Variants in MAP2K5 observed in about 807,000 individuals in gnomAD.
The protein encoded by MAP2K5 is mitogen-activated protein kinase kinase 5.
Under a neutral mutation model 83.1 loss-of-function variants are expected in MAP2K5, and 49 were observed. The observed-to-expected ratio is 0.59, with a 90% CI of 0.47 to 0.75. The LOEUF is 0.75. Among genes scored for constraint, MAP2K5 ranks in the 30% least tolerant of loss-of-function variants. MAP2K5 has a pLI of 0.00. For synonymous variants in MAP2K5, 202 were observed against 191.8 expected (o/e 1.05, Z -0.44); for missense variants, 457 against 557.5 (o/e 0.82, Z 1.82).
intron 16 of MAP2K5, among the ~76,000 whole-genome samples, chr15:67,709,573 G>T (rs2088640342): frequency 6.6e-6 from 1 of 152,084 alleles, no homozygotes; most frequent in Non-Finnish European, 1.5e-5. Flanking sequence ...TTTATTAGGG[G>T]TGGCTAAAAC....
At chr15:67,560,440 A>G (rs1005410380) in intron 2 of MAP2K5, among the ~76,000 whole-genome samples, 1 of 152,258 alleles carries the variant, frequency 6.6e-6, no homozygotes, top group Non-Finnish European at 1.5e-5. Flanking sequence ...ACCAATACCT[A>G]TATAAAGCTA....
chr15:67,604,456 A>G (rs1402872844), intron 8 of MAP2K5, among the ~76,000 whole-genome samples: 1 of 152,230 alleles, frequency 6.6e-6, no homozygotes, highest in Non-Finnish European at 1.5e-5. Context: ...AAACTTTGAG[A>G]AAGTAGAGAA....
chr15:67,581,405 C>T (rs939552648), intron 4 of MAP2K5, among the ~76,000 whole-genome samples: 2 of 152,130 alleles, frequency 1.3e-5, no homozygotes, highest in Non-Finnish European at 2.9e-5. Context: ...TTAGGTTTGG[C>T]AGTACTATCC....
chr15:67,684,181 G>A (rs556774509), intron 13 of MAP2K5, among the ~76,000 whole-genome samples: 4 of 152,316 alleles, frequency 2.6e-5, no homozygotes, highest in African/African-American at 9.6e-5. Context: ...ATCCTACAAA[G>A]CTAGACAACC....
chr15:67,728,083 T>C, intron 17 of MAP2K5, 138 bp downstream of exon 17: 1 of 764,918 alleles, frequency 1.3e-6, no homozygotes, highest in Non-Finnish European at 2.3e-6. Context: ...CTTAAAGGGT[T>C]CATTTAGAAA....
chr15:67,637,336 A>G lies in MAP2K5; in HGVS notation c.585+6409A>G, dbSNP rs1001541249. Among the ~76,000 whole-genome samples the G allele has an allele frequency of 6.6e-6, 1 of 152,058 alleles. No homozygotes were observed. The highest frequency in any genetic ancestry group is 1.5e-5 in the Non-Finnish European group (1 of 68,004). ...CAGAGATGGTATTTAGTTACTTTTG[A>G]ATAATTTGATTCTTTCAAGGCTTGC... is the stretch of plus-strand genomic sequence containing the variant. On this transcript the variant is annotated intron_variant, in intron 9 of 21. Transcript: ENST00000178640. The surrounding 1 kb of genome is among the most constrained non-coding windows in gnomAD (Gnocchi z 4.5).
At chr15:67,633,146 G>T (rs376352666) in intron 9 of MAP2K5, among the ~76,000 whole-genome samples, 1 of 152,190 alleles carries the variant, frequency 6.6e-6, no homozygotes, top group African/African-American at 2.4e-5. Flanking sequence ...TTCTCACTGA[G>T]TGTGGCTCTG....
chr15:67,651,584 T>A (rs1596724944), intron 11 of MAP2K5, among the ~76,000 whole-genome samples: 1 of 152,206 alleles, frequency 6.6e-6, no homozygotes, highest in South Asian at 2.1e-4. Context: ...TCCATAATCA[T>A]TTGTTTTTGG....
chr15:67,618,635 T>C (rs760268316), intron 8 of MAP2K5, among the ~76,000 whole-genome samples: 1 of 152,180 alleles, frequency 6.6e-6, no homozygotes, highest in Non-Finnish European at 1.5e-5. Context: ...ATCTCCGTAA[T>C]TGGAAACTCT....
At chr15:67,710,184 A>G (rs893125866) in intron 16 of MAP2K5, among the ~76,000 whole-genome samples, 1 of 152,200 alleles carries the variant, frequency 6.6e-6, no homozygotes, top group African/African-American at 2.4e-5. Flanking sequence ...TAGCATATGC[A>G]TAGCATACGC....
At chr15:67,624,488 G>A (rs2086265306) in intron 8 of MAP2K5, among the ~76,000 whole-genome samples, 1 of 151,998 alleles carries the variant, frequency 6.6e-6, no homozygotes, top group Non-Finnish European at 1.5e-5. Flanking sequence ...GGATATAATG[G>A]TCTTTGGCCT....
In MAP2K5 at chr15:67,563,220, A is replaced by G. The variant is rs1038178212; in HGVS notation, c.185-63A>G. Reference sequence around the variant, plus strand: ...CACATTGTAATAAACCGTTTATATTATGTTCCCTTTGTGCATTAAACAAAT... The same window carrying G: ...CACATTGTAATAAACCGTTTATATTGTGTTCCCTTTGTGCATTAAACAAAT... On this transcript the variant is annotated intron_variant, in intron 2 of 21. Coordinates refer to ENST00000178640, the MANE Select transcript of MAP2K5 (RefSeq NM_145160.3). The surrounding 1 kb of genome is among the most constrained non-coding windows in gnomAD (Gnocchi z 4.5). The G allele has an allele frequency of 2.5e-6, 4 of 1,570,394 alleles. No individual in the cohort carries two copies. Among genetic ancestry groups the G allele is most frequent in the Non-Finnish European group, 3.4e-6 (4 of 1,161,464 alleles).
At chr15:67,697,217 T>C in intron 15 of MAP2K5, among the ~76,000 whole-genome samples, 1 of 152,326 alleles carries the variant, frequency 6.6e-6, no homozygotes, top group Non-Finnish European at 1.5e-5. Context: ...TCACTTTATA[T>C]TCATGCATAC....
chr15:67,664,495 C>A (rs867373939), intron 12 of MAP2K5, 102 bp from the exon 13 acceptor site: 10 of 690,268 alleles, frequency 1.4e-5, no homozygotes, highest in African/African-American at 1.3e-4. Context: ...AGGGTGACAC[C>A]CTGTCTCAAA....
rs994834595 is a variant in MAP2K5 at position 67,764,103 on chromosome 15, A to G, written c.1135-5499A>G. On this transcript the variant is annotated intron_variant, in intron 19 of 21. Coordinates refer to ENST00000178640, the MANE Select transcript of MAP2K5 (RefSeq NM_145160.3). The surrounding 1 kb of genome is among the most constrained non-coding windows in gnomAD (Gnocchi z 4.9). Reference sequence around the variant, plus strand: ...TTAAAAAACAGTTAGAGGGCTGGCCATATTTCATTTAACTTGCCATGCTGG... The same window carrying G: ...TTAAAAAACAGTTAGAGGGCTGGCCGTATTTCATTTAACTTGCCATGCTGG... Among the ~76,000 whole-genome samples, 3 of 152,224 alleles carry G rather than the reference A, an allele frequency of 2.0e-5. No individual in the cohort carries two copies. Among genetic ancestry groups the G allele is most frequent in the African/African-American group, 4.8e-5 (2 of 41,460 alleles).
intron 6 of MAP2K5, among the ~76,000 whole-genome samples, chr15:67,590,529 G>A (rs1475428182): frequency 7.0e-6 from 1 of 143,272 alleles, no homozygotes; most frequent in Non-Finnish European, 1.5e-5. Flanking sequence ...ATTCTGGAGT[G>A]CACAATTACG....
At chr15:67,742,626 A>C (rs1012036403) in intron 17 of MAP2K5, among the ~76,000 whole-genome samples, 7 of 152,210 alleles carry the variant, frequency 4.6e-5, no homozygotes, top group Non-Finnish European at 8.8e-5. Context: ...TGATATGGCA[A>C]ATGTCTAAAA....
At position 67,748,491 on chromosome 15, in the gene MAP2K5, A is replaced by G. The variant is rs767617680; in HGVS notation, c.1102-78A>G. The G allele has an allele frequency of 3.2e-6, 4 of 1,247,936 alleles. No individual in the cohort carries two copies. Among genetic ancestry groups the G allele is most frequent in the Non-Finnish European group, 4.6e-6 (4 of 862,842 alleles). The allele number at this position is 1,247,936 out of a possible 1,614,324, so 77.3% of individuals were successfully genotyped here. On this transcript the variant is annotated intron_variant, in intron 18 of 21. Coordinates refer to ENST00000178640, the MANE Select transcript of MAP2K5 (RefSeq NM_145160.3). The surrounding 1 kb of genome is among the most constrained non-coding windows in gnomAD (Gnocchi z 4.0). The stretch of plus-strand genomic sequence containing the variant: ...AATCTTGCTATATTTTATTGCATTA[A>G]TGATTTTTTCTTTCCACTCCACTGT...
rs537251162 is a variant in MAP2K5, at chr15:67,623,616, C to T, written c.546-7272C>T. The stretch of plus-strand genomic sequence containing the variant: ...TATCTTCCTTTTTTTTTTTTTTAGA[C>T]GGAGTTTTGCTCTTGTTGTCCAGGA... On this transcript the variant is annotated intron_variant, in intron 8 of 21. Transcript: ENST00000178640. Among the ~76,000 whole-genome samples the T allele has an allele frequency of 4.1e-4, 58 of 140,594 alleles. 1 individual carries two copies. The highest frequency in any genetic ancestry group is 4.1e-4 in the Non-Finnish European group (27 of 65,264). The allele number at this position is 140,594 out of a possible 152,430, so 92.2% of individuals were successfully genotyped here. A position where few individuals can be genotyped will look rare whatever the true frequency, so the allele number is the denominator to read the frequency against.
Sources: gnomAD v4.1 joint callset for allele counts (sites outside exome capture counted in the v4.1 genomes callset) on GRCh38, gnomAD v4.1.1 for gene constraint, Gnocchi (gnomAD v3.1) non-coding constraint, MANE v1.5 for transcripts, NCBI Gene and HGNC (gene_info 2026-07-23, HGNC 2026-07-21) for gene names.